The following PRKD1 variants were observed in gnomAD, a reference collection of about 807,000 sequenced individuals.
The protein encoded by PRKD1 is serine/threonine-protein kinase D1.
A neutral mutation model predicts 95.9 loss-of-function variants in PRKD1; 63 were observed. The ratio of observed to expected loss-of-function variants is 0.66; its 90% CI spans 0.54 to 0.81. The LOEUF is 0.81. Among genes scored for constraint, PRKD1 ranks in the 30% least tolerant of loss-of-function variants. The pLI is 0.00. For missense variants in PRKD1, 1,048 were observed against 1,165.3 expected (o/e 0.90, Z 1.47); for synonymous variants, 425 against 423.1 (o/e 1.00, Z -0.05).
intron 11 of PRKD1, among the ~76,000 whole-genome samples, chr14:29,627,286 AG>A (rs1879690984): frequency 6.6e-6 from 1 of 152,202 alleles, no homozygotes; most frequent in Admixed American, 6.5e-5. Flanking sequence ...TAGAATGAAA[AG>A]GTTGCTCCCT....
intron 1 of PRKD1, among the ~76,000 whole-genome samples, chr14:29,774,870 G>A (rs1888666907): frequency 6.6e-6 from 1 of 152,170 alleles, no homozygotes; most frequent in Non-Finnish European, 1.5e-5. Context: ...CCACAGGAAA[G>A]CAACATGATA....
chr14:29,696,174 C>T (rs1884506008), intron 2 of PRKD1, among the ~76,000 whole-genome samples: 1 of 152,104 alleles, frequency 6.6e-6, no homozygotes, highest in Non-Finnish European at 1.5e-5. Context: ...ACAGCATGAG[C>T]TGAACATTAC....
At chr14:29,594,559 G>A (rs931149622) in intron 16 of PRKD1, among the ~76,000 whole-genome samples, 8 of 152,148 alleles carry the variant, frequency 5.3e-5, no homozygotes, top group Non-Finnish European at 8.8e-5. Flanking sequence ...GAAGGTAAGT[G>A]ATGACTCCTC....
chr14:29,695,908 T>C lies in PRKD1; in HGVS notation c.403+29628A>G, dbSNP rs138313697. Among the ~76,000 whole-genome samples the C allele has an allele frequency of 7.9e-5, 12 of 152,274 alleles. No individual in the cohort carries two copies. The East Asian group carries it at 1.4e-3, about 17-fold the overall frequency. On this transcript the variant is annotated intron_variant, in intron 2 of 17. Transcript: ENST00000331968. ...AAATATCTGGAATGTCAGAGGTTGATAGCATTTTACAATAAATGTAAAATG... is the reference window on the plus strand; with the variant it reads ...AAATATCTGGAATGTCAGAGGTTGACAGCATTTTACAATAAATGTAAAATG...
chr14:29,756,688 C>A (rs1391041716), intron 1 of PRKD1, among the ~76,000 whole-genome samples: 1 of 152,180 alleles, frequency 6.6e-6, no homozygotes, highest in Non-Finnish European at 1.5e-5. Context: ...TGCTCCACAG[C>A]AGACTAGGGG....
intron 1 of PRKD1, among the ~76,000 whole-genome samples, chr14:29,869,443 GAA>G (rs769297951): frequency 1.7e-5 from 2 of 116,286 alleles, no homozygotes; most frequent in African/African-American, 6.4e-5. Flanking sequence ...ATCTCAAAAA[GAA>G]AAAAAAAAAA....
intron 6 of PRKD1, 62 bp downstream of exon 6, chr14:29,638,427 T>C: frequency 6.3e-7 from 1 of 1,575,340 alleles, no homozygotes; most frequent in Non-Finnish European, 8.7e-7. Flanking sequence ...CTGACTAAAA[T>C]TACATCACCA....
rs1246829999 is a variant in PRKD1, at chr14:29,638,823, C to G, written c.778G>C (p.Asp260His). The change falls in exon 5 of 18, where the codon GAC (aspartate) becomes CAC (histidine). Residue 260 changes from aspartate to histidine, a missense_variant. Coordinates refer to ENST00000331968, the MANE Select transcript of PRKD1 (RefSeq NM_002742.3). ...QSYIGRPIHL[D>H]KILMSKVKVP... The stretch of plus-strand genomic sequence containing the variant: ...TTAACTTTAGACATCAAAATCTTGT[C>G]AAGGTGAATTGGTCGTCCAATGTAT... 3.2e-6 allele frequency: 5 copies of G among 1,568,298 alleles called. No homozygotes were observed. The highest frequency in any genetic ancestry group is 1.7e-5 in the Admixed American group (1 of 58,536).
At chr14:29,721,390 G>A (rs1477525704) in intron 2 of PRKD1, among the ~76,000 whole-genome samples, 1 of 152,144 alleles carries the variant, frequency 6.6e-6, no homozygotes, top group Admixed American at 6.5e-5. Flanking sequence ...GACTTTATTT[G>A]AGGAATTCTT....
chr14:29,812,758 A>G (rs1170080550), intron 1 of PRKD1, among the ~76,000 whole-genome samples: 1 of 152,158 alleles, frequency 6.6e-6, no homozygotes, highest in South Asian at 2.1e-4. Flanking sequence ...ACAATTCGAG[A>G]TGAGATTTGG....
At chr14:29,627,218 C>G (rs984160468) in intron 11 of PRKD1, among the ~76,000 whole-genome samples, 3 of 152,174 alleles carry the variant, frequency 2.0e-5, no homozygotes, top group African/African-American at 7.2e-5. Context: ...TAAATAATCA[C>G]GGTTCCCAAC....
intron 1 of PRKD1, among the ~76,000 whole-genome samples, chr14:29,894,147 G>A (rs1223905527): frequency 6.6e-6 from 1 of 152,190 alleles, no homozygotes; most frequent in African/African-American, 2.4e-5. Flanking sequence ...GCAAGAGTGA[G>A]CCAAGTGAAG....
chr14:29,845,431 A>C (rs1013459394), intron 1 of PRKD1, among the ~76,000 whole-genome samples: 5 of 152,198 alleles, frequency 3.3e-5, no homozygotes, highest in African/African-American at 1.2e-4. Flanking sequence ...TATAAAACAT[A>C]CTTTTAAAAA....
At chr14:29,750,409 T>A (rs1418578233) in intron 1 of PRKD1, among the ~76,000 whole-genome samples, 2 of 152,072 alleles carry the variant, frequency 1.3e-5, no homozygotes, top group Non-Finnish European at 2.9e-5. Flanking sequence ...TAAGTAAAGA[T>A]AAAAACACTC....
chr14:29,793,777 C>T (rs1889678333), intron 1 of PRKD1, among the ~76,000 whole-genome samples: 1 of 151,984 alleles, frequency 6.6e-6, no homozygotes, highest in South Asian at 2.1e-4. Context: ...AGGAAATACA[C>T]AATTTGTTAA....
rs1319743535 is a variant in PRKD1 at position 29,927,370 on chromosome 14, C to T, written c.143G>A (p.Gly48Asp). The change falls in exon 1 of 18, where the codon GGC (glycine) becomes GAC (aspartate). Residue 48 changes from glycine to aspartate, a missense_variant. Physicochemically the swap from Gly to Asp is moderately conservative, Grantham distance 94. Around this residue, in one of 3 missense-constraint regions of PRKD1, gnomAD observed 275 missense variants for 248.6 expected, o/e 1.11. Transcript: ENST00000331968. ...FLAPVAAPVG[G>D]ISFHLQIGLS... is the part of the protein sequence containing the mutation. ...GCCGATCTGCAGATGGAACGAGATG[C>T]CCCCGACCGGGGCCGCGACAGGAGC... 5.1e-6 allele frequency: 8 copies of T among 1,560,920 alleles called. No homozygotes were observed. The highest frequency in any genetic ancestry group is 1.4e-5 in the African/African-American group (1 of 71,190).
rs763885568 is a variant in PRKD1, at chr14:29,663,748, C to T, written c.647G>A (p.Arg216His). 46 of 1,613,876 alleles carry T rather than the reference C, an allele frequency of 2.9e-5. 1 individual carries two copies. In the South Asian group the frequency reaches 3.5e-4, roughly 12 times the overall value. ...TGTAGAGAGTTCAGCAGATGATGTG[C>T]GGATGGTGCTGACCCCAGTGAGGGA... ...NVSLTGVSTI[R>H]TSSAELSTSA... is the part of the protein sequence containing the mutation. The change falls in exon 4 of 18, where the codon CGC becomes CAC. Residue 216 changes from arginine (R) to histidine (H), a missense_variant. By Grantham distance (29) the Arg-to-His change is conservative (BLOSUM62 0). Transcript: ENST00000331968.
Position 29,895,702 on chromosome 14 carries a change from T to C in PRKD1, c.264+31547A>G, listed in dbSNP as rs115101143. 4.0e-3 allele frequency among the ~76,000 whole-genome samples: 609 copies of C among 152,230 alleles called. 5 individuals carry two copies. The highest frequency in any genetic ancestry group is 0.014 in the African/African-American group (576 of 41,520). On this transcript the variant is annotated intron_variant, in intron 1 of 17. Coordinates refer to ENST00000331968, the MANE Select transcript of PRKD1 (RefSeq NM_002742.3). ...CCTCGCTGCTGTCCTGCAAGCACTT[T>C]AGGACTTTTGCACTGACTGTTCTTT...
At chr14:29,852,738 G>T (rs1892355297) in intron 1 of PRKD1, among the ~76,000 whole-genome samples, 1 of 151,906 alleles carries the variant, frequency 6.6e-6, no homozygotes, top group African/African-American at 2.4e-5. Flanking sequence ...AAAAGAAAAT[G>T]AAATGAAAGA....
Sources: allele counts gnomAD v4.1 joint callset (sites outside exome capture counted in the v4.1 genomes callset), GRCh38; gene constraint gnomAD v4.1.1; regional missense constraint gnomAD v4.1.1; transcripts MANE v1.5; gene names NCBI Gene and HGNC (gene_info 2026-07-23, HGNC 2026-07-21).